Variants in DMD observed in about 807,000 individuals in gnomAD.
DMD encodes the protein mutant dystrophin.
In DMD, 63 loss-of-function variants were observed where a neutral mutation model predicts 330.1. That is an observed-to-expected ratio of 0.19 (90% CI 0.16 to 0.24). The LOEUF (loss-of-function observed/expected upper bound fraction) is 0.24. Ranked by LOEUF, DMD falls within the 10% of genes least tolerant of loss-of-function variation. The pLI is 1.00. For synonymous variants in DMD, 1,223 were observed against 959.8 expected (o/e 1.27, Z -5.07); for missense variants, 3,344 against 2,684.1 (o/e 1.25, Z -5.43).
chrX:33,338,133 TTTTA>T (rs1356695386), intron 1 of DMD, among the ~76,000 whole-genome samples: 2 of 111,903 alleles, frequency 1.8e-5, no homozygotes, highest in African/African-American at 6.5e-5. Context: ...TGTTTGAATG[TTTTA>T]TTTGCTTGTT....
At chrX:31,453,765 C>CAAAAAAAAAAAA (rs760511403) in intron 59 of DMD, among the ~76,000 whole-genome samples, 95 of 8,974 alleles carry the variant, frequency 0.011, 6 homozygotes, top group East Asian at 0.028. Context: ...AAAAAACAAG[C>CAAAAAAAAAAAA]AAAAAAAAAA....
intron 43 of DMD, among the ~76,000 whole-genome samples, chrX:32,255,382 T>A (rs1472399857): frequency 9.0e-6 from 1 of 111,392 alleles, no homozygotes; most frequent in East Asian, 2.8e-4. Context: ...AAAATAAAGT[T>A]TTATTGGAAT....
chrX:33,021,816 T>C (rs1377663587), intron 1 of DMD, among the ~76,000 whole-genome samples: 1 of 111,918 alleles, frequency 8.9e-6, no homozygotes, highest in Admixed American at 9.6e-5. Flanking sequence ...ATTATTCATA[T>C]GGTATATGAT....
chrX:32,625,476 T>G (rs941123583), intron 11 of DMD, among the ~76,000 whole-genome samples: 4 of 112,100 alleles, frequency 3.6e-5, no homozygotes. Flanking sequence ...AATCCTTATT[T>G]GCAAGTACTT....
intron 43 of DMD, among the ~76,000 whole-genome samples, chrX:32,266,309 C>G (rs2097344284): frequency 9.0e-6 from 1 of 111,590 alleles, no homozygotes; most frequent in Non-Finnish European, 1.9e-5. Flanking sequence ...CCTGAGGCCT[C>G]CCCAGCCATG....
At chrX:31,917,047 T>C (rs1235137084) in intron 47 of DMD, among the ~76,000 whole-genome samples, 1 of 111,482 alleles carries the variant, frequency 9.0e-6, no homozygotes, top group Non-Finnish European at 1.9e-5. Context: ...GGTGGTCAAC[T>C]CCTACACAGA....
intron 1 of DMD, among the ~76,000 whole-genome samples, chrX:33,199,980 A>G (rs2051172594): frequency 8.9e-6 from 1 of 111,799 alleles, no homozygotes; most frequent in Non-Finnish European, 1.9e-5. Flanking sequence ...AAATAATGAA[A>G]GCATGCAATT....
At chrX:32,332,208 A>T (rs1277100301) in intron 41 of DMD, among the ~76,000 whole-genome samples, 1 of 111,594 alleles carries the variant, frequency 9.0e-6, no homozygotes, top group Non-Finnish European at 1.9e-5. Flanking sequence ...AATTAAACAA[A>T]TATATACTGT....
chrX:32,666,547 T>C (rs750086637), intron 9 of DMD, among the ~76,000 whole-genome samples: 2 of 111,283 alleles, frequency 1.8e-5, no homozygotes, highest in African/African-American at 3.3e-5. Context: ...TCATTCTATT[T>C]TATGGTCGCA....
Position 32,797,944 on chromosome X carries a change from C to T in DMD, c.649+11549G>A, listed in dbSNP as rs182163443. Among the ~76,000 whole-genome samples, 183 of 111,716 alleles carry T rather than the reference C, an allele frequency of 1.6e-3. 1 individual carries two copies. The highest frequency in any genetic ancestry group is 5.5e-3 in the African/African-American group (170 of 30,824). On this transcript the variant is annotated intron_variant, in intron 7 of 78. Coordinates refer to ENST00000357033, the MANE Select transcript of DMD (RefSeq NM_004006.3). ...CTAATCCATAATGCACATCTTCAAT[C>T]GCATGATTATACTTCATTATTTAAA...
At chrX:32,296,060 T>C (rs759815131) in intron 42 of DMD, among the ~76,000 whole-genome samples, 104 of 112,408 alleles carry the variant, frequency 9.3e-4, no homozygotes, top group African/African-American at 3.3e-3. Flanking sequence ...CAAAGCTCGT[T>C]GCTTCCCGAA....
intron 1 of DMD, among the ~76,000 whole-genome samples, chrX:33,084,547 C>T (rs745370008): frequency 3.3e-4 from 37 of 111,256 alleles, no homozygotes; most frequent in Non-Finnish European, 6.0e-4. Context: ...TGTCTTCTTG[C>T]GCTGAGTCAG....
intron 55 of DMD, among the ~76,000 whole-genome samples, chrX:31,554,163 G>A (rs1293250727): frequency 8.9e-6 from 1 of 112,196 alleles, no homozygotes; most frequent in African/African-American, 3.2e-5. Context: ...GAAACATGTA[G>A]AAGAGCTGGC....
intron 1 of DMD, among the ~76,000 whole-genome samples, chrX:33,124,894 C>A (rs1315699988): frequency 9.3e-6 from 1 of 107,499 alleles, no homozygotes; most frequent in Admixed American, 1.0e-4. Context: ...TGTGGTGGTG[C>A]ATGCCTGTAA....
rs762043939 is a variant in DMD at position 31,365,611 on chromosome X, T to C, written c.9085-16977A>G. Among the ~76,000 whole-genome samples, 10 of 112,485 alleles carry C rather than the reference T, an allele frequency of 8.9e-5. No individual in the cohort carries two copies. The East Asian group carries it at 2.8e-3, about 31-fold the overall frequency. ...GACAGGTCCTAAGAGATACCCCCTA[T>C]GTCTCTTCTTTTTAAAATTGTATTA... is the stretch of plus-strand genomic sequence containing the variant. On this transcript the variant is annotated intron_variant, in intron 60 of 78. Coordinates refer to ENST00000357033, the MANE Select transcript of DMD (RefSeq NM_004006.3).
rs186995135 is a variant in DMD, at chrX:32,408,114, A to C, written c.4233+3638T>G. On this transcript the variant is annotated intron_variant, in intron 30 of 78. Transcript: ENST00000357033. ...GTTGTGCACATGTACCCTAAAACTT[A>C]AAGTATTAAAAAAAAAGACTGTGAA... is the stretch of plus-strand genomic sequence containing the variant. Among the ~76,000 whole-genome samples the C allele has an allele frequency of 1.7e-4, 19 of 111,401 alleles. No homozygotes were observed. The East Asian group carries it at 4.8e-3, about 28-fold the overall frequency.
chrX:32,649,039 T>C (rs751388748), intron 9 of DMD, among the ~76,000 whole-genome samples: 8 of 111,591 alleles, frequency 7.2e-5, no homozygotes, highest in African/African-American at 2.6e-4. Context: ...CAGTAGTTTA[T>C]GTTTCTCTTC....
rs1473047885 is a variant in DMD at position 32,333,779 on chromosome X, T to A, written c.5922+8321A>T. ...TTTAAGGAGGGGTTTTATTTTCACCTCTATATTATGTGTTGTTGAAGGTCA... is the reference window on the plus strand; with the variant it reads ...TTTAAGGAGGGGTTTTATTTTCACCACTATATTATGTGTTGTTGAAGGTCA... On this transcript the variant is annotated intron_variant, in intron 41 of 78. Coordinates refer to ENST00000357033, the MANE Select transcript of DMD (RefSeq NM_004006.3). Among the ~76,000 whole-genome samples, 5 of 110,701 alleles carry A rather than the reference T, an allele frequency of 4.5e-5. 1 individual carries two copies. The Admixed American group carries it at 4.9e-4, about 11-fold the overall frequency.
At chrX:32,844,423 A>AG (rs2080465570) in intron 4 of DMD, among the ~76,000 whole-genome samples, 1 of 55,497 alleles carries the variant, frequency 1.8e-5, no homozygotes, top group Non-Finnish European at 3.0e-5. Flanking sequence ...AAAAAAAAAG[A>AG]AAAGAAAAGA....
Sources: allele counts gnomAD v4.1 joint callset (sites outside exome capture counted in the v4.1 genomes callset), GRCh38; gene constraint gnomAD v4.1.1; transcripts MANE v1.5; gene names NCBI Gene and HGNC (gene_info 2026-07-23, HGNC 2026-07-21).